Variants in GALNT13 observed in about 807,000 individuals in gnomAD.
GALNT13 encodes polypeptide N-acetylgalactosaminyltransferase 13.
In GALNT13, 28 loss-of-function variants were observed where a neutral mutation model predicts 64.2. The observed-to-expected ratio is 0.44, with a 90% CI of 0.32 to 0.60. The LOEUF (loss-of-function observed/expected upper bound fraction) is 0.60. Ranked by LOEUF, GALNT13 falls within the 20% of genes least tolerant of loss-of-function variation. The pLI is 0.05. For missense variants in GALNT13, 577 were observed against 669.8 expected (o/e 0.86, Z 1.53); for synonymous variants, 214 against 224.6 (o/e 0.95, Z 0.42).
At chr2:153,896,081 A>ATATATATATATATATTTTTTTTTTTTTTT (rs1574065409) in intron 1 of GALNT13, among the ~76,000 whole-genome samples, 9 of 136,812 alleles carry the variant, frequency 6.6e-5, no homozygotes, top group East Asian at 4.4e-4. Flanking sequence ...ATGATTTTAT[A>ATATATATATATATATTTTTTTTTTTTTTT]TTTTTATGTT....
chr2:153,220,878 G>A, the GALNT13 span, among the ~76,000 whole-genome samples: 1 of 152,132 alleles, frequency 6.6e-6, no homozygotes, highest in Non-Finnish European at 1.5e-5. Flanking sequence ...AATGGGAGTG[G>A]TCTAAATATA....
the GALNT13 span, among the ~76,000 whole-genome samples, chr2:153,560,541 C>T: frequency 6.6e-6 from 1 of 152,028 alleles, no homozygotes; most frequent in Non-Finnish European, 1.5e-5. Flanking sequence ...AAATTCTATA[C>T]ATTTCCACAT....
intron 8 of GALNT13, among the ~76,000 whole-genome samples, chr2:154,271,863 T>C (rs1691373136): frequency 6.6e-6 from 1 of 151,888 alleles, no homozygotes; most frequent in South Asian, 2.1e-4. Flanking sequence ...AACAATGATG[T>C]ATGGATAAAA....
chr2:154,290,346 A>C (rs1428463419), intron 8 of GALNT13, among the ~76,000 whole-genome samples: 2 of 152,214 alleles, frequency 1.3e-5, no homozygotes, highest in East Asian at 3.9e-4. Context: ...TTATCTCAAA[A>C]GCAAGCCAAG....
At chr2:154,015,729 G>A (rs977084157) in intron 3 of GALNT13, among the ~76,000 whole-genome samples, 2 of 152,084 alleles carry the variant, frequency 1.3e-5, no homozygotes, top group African/African-American at 2.4e-5. Flanking sequence ...GCATCTTACT[G>A]TCACATATTT....
chr2:153,584,880 A>C, the GALNT13 span, among the ~76,000 whole-genome samples: 1 of 152,194 alleles, frequency 6.6e-6, no homozygotes, highest in Non-Finnish European at 1.5e-5. Context: ...GCATGTACTC[A>C]GAGGCAAAAC....
chr2:153,458,308 G>A, the GALNT13 span, among the ~76,000 whole-genome samples: 14 of 151,786 alleles, frequency 9.2e-5, no homozygotes, highest in Admixed American at 1.3e-4. Context: ...TACCTCAGCC[G>A]ACATCTGTGA....
At chr2:153,796,144 T>C in the GALNT13 span, among the ~76,000 whole-genome samples, 1 of 152,202 alleles carries the variant, frequency 6.6e-6, no homozygotes. Flanking sequence ...TAGTTTTATA[T>C]AGATGAAGTA....
chr2:154,194,958 T>G (rs548455573), intron 4 of GALNT13, among the ~76,000 whole-genome samples: 7 of 151,098 alleles, frequency 4.6e-5, no homozygotes, highest in Admixed American at 1.3e-4. Context: ...GCTGCACCCA[T>G]CAACCCATCA....
chr2:153,804,392 G>A, the GALNT13 span, among the ~76,000 whole-genome samples: 1 of 152,036 alleles, frequency 6.6e-6, no homozygotes, highest in Non-Finnish European at 1.5e-5. Context: ...GCCCAGATTG[G>A]TCTCAGTCTC....
chr2:153,402,390 C>A, the GALNT13 span, among the ~76,000 whole-genome samples: 5 of 150,798 alleles, frequency 3.3e-5, no homozygotes, highest in Admixed American at 2.0e-4. Context: ...TTTGGTGAAT[C>A]TGACAATTAT....
At chr2:154,118,276 CTT>C (rs1233127300) in intron 3 of GALNT13, among the ~76,000 whole-genome samples, 1 of 126,190 alleles carries the variant, frequency 7.9e-6, no homozygotes, top group Non-Finnish European at 1.7e-5. Context: ...TTATGTCCCT[CTT>C]TGTCTTTTTT....
At chr2:153,481,782 A>G in the GALNT13 span, among the ~76,000 whole-genome samples, 10 of 152,208 alleles carry the variant, frequency 6.6e-5, no homozygotes, top group African/African-American at 2.2e-4. Flanking sequence ...TATAGTTTGA[A>G]TAGCCTTGAA....
chr2:153,624,582 G>A, the GALNT13 span, among the ~76,000 whole-genome samples: 14 of 152,204 alleles, frequency 9.2e-5, no homozygotes, highest in East Asian at 2.7e-3. Flanking sequence ...GAGCCAAGTA[G>A]AGTCCAACAG....
the GALNT13 span, among the ~76,000 whole-genome samples, chr2:153,459,320 G>A: frequency 6.6e-6 from 1 of 151,930 alleles, no homozygotes; most frequent in Non-Finnish European, 1.5e-5. Flanking sequence ...CATTTATATT[G>A]ATTACAAAAG....
chr2:153,803,756 C>T, the GALNT13 span, among the ~76,000 whole-genome samples: 4 of 151,546 alleles, frequency 2.6e-5, no homozygotes, highest in African/African-American at 9.7e-5. Flanking sequence ...TGATCTCTCT[C>T]TCCATGAGCA....
the GALNT13 span, among the ~76,000 whole-genome samples, chr2:153,768,997 A>G: frequency 7.2e-5 from 11 of 152,102 alleles, no homozygotes; most frequent in African/African-American, 2.7e-4. Context: ...GTCTTTAGTC[A>G]TTACACCTGT....
chr2:154,259,143 T>C lies in GALNT13; in HGVS notation c.975+5T>C. 1.4e-6 allele frequency: 2 copies of C among 1,436,992 alleles called. No homozygotes were observed. The highest frequency in any genetic ancestry group is 1.2e-5 in the South Asian group (1 of 86,312). The allele number at this position is 1,436,992 out of a possible 1,614,324, so 89.0% of individuals were successfully genotyped here. A position where few individuals can be genotyped will look rare whatever the true frequency, so the allele number is the denominator to read the frequency against. On this transcript the variant is annotated splice_donor_5th_base_variant and intron_variant, in intron 8 of 12. Coordinates refer to ENST00000392825, the MANE Select transcript of GALNT13 (RefSeq NM_052917.4). ...AATCTTGAAATGTCTTTTAGGGTAATTGCATTTTATTTTATTTTTTGATGC... is the reference window on the plus strand; with the variant it reads ...AATCTTGAAATGTCTTTTAGGGTAACTGCATTTTATTTTATTTTTTGATGC...
At chr2:154,410,700 A>C (rs1699753345) in intron 11 of GALNT13, among the ~76,000 whole-genome samples, 3 of 151,888 alleles carry the variant, frequency 2.0e-5, no homozygotes. Context: ...TATTGGGGAG[A>C]CATTTAGAAG....
Sources: allele counts gnomAD v4.1 joint callset (sites outside exome capture counted in the v4.1 genomes callset), GRCh38; gene constraint gnomAD v4.1.1; transcripts MANE v1.5; gene names NCBI Gene and HGNC (gene_info 2026-07-23, HGNC 2026-07-21).